DNER: variants seen among roughly 807,000 people sequenced by gnomAD.
DNER encodes delta/notch like EGF repeat containing.
DNER carries 33 observed loss-of-function variants against 78.2 expected under a neutral mutation model. The observed-to-expected ratio is 0.42, with a 90% CI of 0.32 to 0.56. DNER has a LOEUF of 0.56. Ranked by LOEUF, DNER falls within the 20% of genes least tolerant of loss-of-function variation. The pLI is 0.11. For synonymous variants in DNER, 417 were observed against 384.8 expected, an observed-to-expected ratio of 1.08 and a Z score of -0.98; for missense variants, 918 against 975.3, an observed-to-expected ratio of 0.94 and a Z score of 0.78.
At chr2:229,588,956 G>A (rs972734010) in intron 2 of DNER, among the ~76,000 whole-genome samples, 9 of 152,240 alleles carry the variant, frequency 5.9e-5, no homozygotes, top group Admixed American at 2.6e-4. Context: ...ACTCTTCTGT[G>A]TGCTGATGGG....
At chr2:229,419,977 C>T (rs992655920) in intron 8 of DNER, among the ~76,000 whole-genome samples, 1 of 148,902 alleles carries the variant, frequency 6.7e-6, no homozygotes, top group Admixed American at 6.8e-5. Context: ...CAGGAGGCTG[C>T]GCAGGACAGC....
At chr2:229,450,953 T>C (rs1327416769) in intron 7 of DNER, among the ~76,000 whole-genome samples, 1 of 152,204 alleles carries the variant, frequency 6.6e-6, no homozygotes, top group Non-Finnish European at 1.5e-5. Context: ...AATTAGGATC[T>C]TGTGTTTGAT....
intron 6 of DNER, among the ~76,000 whole-genome samples, chr2:229,493,113 C>T (rs1695437089): frequency 2.0e-5 from 3 of 152,132 alleles, no homozygotes; most frequent in Admixed American, 2.0e-4. Context: ...ACCAACAACG[C>T]AAAGGCACTG....
At chr2:229,472,363 G>A (rs1694941625) in intron 7 of DNER, among the ~76,000 whole-genome samples, 1 of 152,176 alleles carries the variant, frequency 6.6e-6, no homozygotes, top group South Asian at 2.1e-4. Context: ...TCATGCTGCA[G>A]AGCCAATGGA....
chr2:229,440,027 C>T (rs1402717239), intron 8 of DNER, among the ~76,000 whole-genome samples: 1 of 152,100 alleles, frequency 6.6e-6, no homozygotes, highest in Non-Finnish European at 1.5e-5. Flanking sequence ...AATTAAAGAC[C>T]AGTTCATTAA....
chr2:229,422,144 G>T (rs913877108), intron 8 of DNER, among the ~76,000 whole-genome samples: 1 of 152,036 alleles, frequency 6.6e-6, no homozygotes, highest in African/African-American at 2.4e-5. Flanking sequence ...AAATGTCAAG[G>T]CACCCTTTAT....
At chr2:229,563,534 G>GTCATCATCCTCCCCCCATCACCATCATCA (rs779676564) in intron 4 of DNER, among the ~76,000 whole-genome samples, 3 of 75,804 alleles carry the variant, frequency 4.0e-5, no homozygotes, top group South Asian at 5.0e-4. Context: ...CACCATCATC[G>GTCATCATCCTCCCCCCATCACCATCATCA]TCATCACCCC....
At chr2:229,472,104 A>G (rs908478446) in intron 7 of DNER, among the ~76,000 whole-genome samples, 5 of 152,244 alleles carry the variant, frequency 3.3e-5, no homozygotes, top group Admixed American at 6.5e-5. Context: ...GTAATACTTG[A>G]CTTCATAATT....
chr2:229,627,469 T>C (rs1308954065), intron 1 of DNER, among the ~76,000 whole-genome samples: 1 of 152,054 alleles, frequency 6.6e-6, no homozygotes, highest in Non-Finnish European at 1.5e-5. Flanking sequence ...CTTTCTAGAC[T>C]TCTGGTTTAG....
chr2:229,477,247 G>A lies in DNER; in HGVS notation c.1154C>T (p.Thr385Ile), dbSNP rs1407209007. ...NFTCVCLPGY[T>I]GELCQSKIDY... is the part of the protein sequence containing the mutation. Reference sequence around the variant, plus strand: ...AATCTTGGACTGGCAAAGCTCTCCAGTATAACCTGAATAAAACAAAATGTA... The same window carrying A: ...AATCTTGGACTGGCAAAGCTCTCCAATATAACCTGAATAAAACAAAATGTA... The change falls in exon 7 of 13, where the codon ACT (threonine) becomes ATT (isoleucine). Residue 385 changes from threonine to isoleucine, a missense_variant. Thr to Ile is a moderately conservative substitution (Grantham distance 89, BLOSUM62 -1). Transcript: ENST00000341772. The A allele has an allele frequency of 6.2e-7, 1 of 1,609,658 alleles. No individual in the cohort carries two copies. The highest frequency in any genetic ancestry group is 8.5e-7 in the Non-Finnish European group (1 of 1,177,598).
intron 5 of DNER, among the ~76,000 whole-genome samples, chr2:229,524,388 T>G (rs1696159718): frequency 6.6e-6 from 1 of 152,216 alleles, no homozygotes; most frequent in Non-Finnish European, 1.5e-5. Flanking sequence ...ATGTTATGTT[T>G]TTAAAATTTA....
intron 4 of DNER, among the ~76,000 whole-genome samples, chr2:229,551,953 T>TAAATAAAATA (rs536035550): frequency 0.018 from 2,796 of 151,750 alleles, 76 homozygotes; most frequent in African/African-American, 0.056. Context: ...AATAAATAAA[T>TAAATAAAATA]AAATAAAATA....
intron 4 of DNER, among the ~76,000 whole-genome samples, chr2:229,552,264 G>T (rs1233095345): frequency 6.6e-6 from 1 of 152,228 alleles, no homozygotes; most frequent in Non-Finnish European, 1.5e-5. Context: ...GGTCCTTGAG[G>T]CAGTCCTGAA....
chr2:229,507,914 A>T (rs1359655172), intron 6 of DNER, among the ~76,000 whole-genome samples: 1 of 152,244 alleles, frequency 6.6e-6, no homozygotes, highest in East Asian at 1.9e-4. Flanking sequence ...TCTATTCCTC[A>T]AAAGAGCCCT....
chr2:229,471,990 C>T (rs879563426), intron 7 of DNER, among the ~76,000 whole-genome samples: 1 of 152,182 alleles, frequency 6.6e-6, no homozygotes, highest in Non-Finnish European at 1.5e-5. Flanking sequence ...CCATCCTTGG[C>T]TATGAGAGTT....
chr2:229,514,452 T>G (rs987956712), intron 5 of DNER, among the ~76,000 whole-genome samples: 1 of 152,238 alleles, frequency 6.6e-6, no homozygotes, highest in African/African-American at 2.4e-5. Context: ...CTAAGCAGAT[T>G]GTTGGAATGA....
chr2:229,537,617 A>G (rs568415133), intron 5 of DNER, among the ~76,000 whole-genome samples: 2 of 152,296 alleles, frequency 1.3e-5, no homozygotes, highest in African/African-American at 2.4e-5. Flanking sequence ...TCCTTGCCCT[A>G]ATATATTTAA....
intron 4 of DNER, among the ~76,000 whole-genome samples, chr2:229,575,393 C>G (rs1294388447): frequency 6.6e-6 from 1 of 152,208 alleles, no homozygotes; most frequent in Non-Finnish European, 1.5e-5. Context: ...CATGACAGTG[C>G]CCTTCCACAT....
chr2:229,628,552 C>G (rs1026666196), intron 1 of DNER, among the ~76,000 whole-genome samples: 6 of 152,076 alleles, frequency 3.9e-5, no homozygotes, highest in African/African-American at 1.4e-4. Flanking sequence ...TATAAGAACC[C>G]CAAAATATTC....
Sources: gnomAD v4.1 joint callset for allele counts (sites outside exome capture counted in the v4.1 genomes callset) on GRCh38, gnomAD v4.1.1 for gene constraint, MANE v1.5 for transcripts, NCBI Gene and HGNC (gene_info 2026-07-23, HGNC 2026-07-21) for gene names.